The following TERT variants were observed in gnomAD, a reference collection of about 807,000 sequenced individuals.
The protein encoded by TERT is telomerase catalytic subunit.
A neutral mutation model predicts 104.0 loss-of-function variants in TERT; 42 were observed. The ratio of observed to expected loss-of-function variants is 0.40; its 90% confidence interval spans 0.32 to 0.52. TERT has a LOEUF of 0.52. Among genes scored for constraint, TERT ranks in the 20% least tolerant of loss-of-function variants. The pLI is 0.43. For missense variants in TERT, 1,101 were observed against 1,610.3 expected, an observed-to-expected ratio of 0.68 and a Z score of 5.41; for synonymous variants, 781 against 725.6, an observed-to-expected ratio of 1.08 and a Z score of -1.23.
chr5:1,254,595 C>T (rs373439202), intron 14 of TERT, 90 bp from the exon 15 acceptor site: 31 of 1,470,896 alleles, frequency 2.1e-5, no homozygotes, highest in African/African-American at 1.4e-4. Context: ...CGACGGTCTG[C>T]GGGGTGGCTC....
At chr5:1,264,366 GC>G in intron 11 of TERT, 37 bp downstream of exon 11, 1 of 1,583,482 alleles carries the variant, frequency 6.3e-7, no homozygotes, top group South Asian at 1.1e-5. Context: ...ACCTGCCCCA[GC>G]CGGGCACAGG....
rs981273434 is a variant in TERT, at chr5:1,286,818, C to T, written c.1574-4194G>A. ...GCTTGAACCGAGGAGGCAGAGGTTG[C>T]AGTGAGCCGAGATTGTGCCATTACA... On this transcript the variant is annotated intron_variant, in intron 2 of 15. Coordinates refer to ENST00000310581, the MANE Select transcript of TERT (RefSeq NM_198253.3). This position sits in a 1 kb window ranked among gnomAD's most constrained non-coding sequence, Gnocchi z 5.3. Among the ~76,000 whole-genome samples the T allele has an allele frequency of 1.3e-5, 2 of 152,144 alleles. No individual in the cohort carries two copies. The highest frequency in any genetic ancestry group is 4.8e-5 in the African/African-American group (2 of 41,428).
At chr5:1,279,890 G>A (rs917044084) in intron 4 of TERT, among the ~76,000 whole-genome samples, 76 of 152,302 alleles carry the variant, frequency 5.0e-4, no homozygotes, top group Admixed American at 1.4e-3. Flanking sequence ...ACCTCGGGCC[G>A]TGCTGCATCC....
intron 2 of TERT, chr5:1,282,858 C>A (rs1347727726): frequency 7.4e-6 from 4 of 542,564 alleles, no homozygotes; most frequent in East Asian, 3.4e-5. Flanking sequence ...GAGGGCCTGG[C>A]GAACTCACCC....
At position 1,260,587 on chromosome 5, in the gene TERT, A is replaced by T; in HGVS notation, c.2857T>A (p.Ser953Thr). 6.2e-7 allele frequency: 1 copy of T among 1,614,028 alleles called. No individual in the cohort carries two copies. The highest frequency in any genetic ancestry group is 8.5e-7 in the Non-Finnish European group (1 of 1,179,966). ...TTGAAGGTGAGACTGGCTCTGATGG[A>T]GGTCCGGGCATAGCTGAGACACAGG... is the stretch of plus-strand genomic sequence containing the variant. ...QSDYSSYART[S>T]IRASLTFNRG... The change falls in exon 12 of 16, where the codon TCC becomes ACC. Residue 953 changes from serine (S) to threonine (T), a missense_variant. By Grantham distance (58) the Ser-to-Thr change is moderately conservative. Coordinates refer to ENST00000310581, the MANE Select transcript of TERT (RefSeq NM_198253.3).
chr5:1,276,720 TGCAAGCTGACACAGTAA>T (rs1450461061), intron 6 of TERT, among the ~76,000 whole-genome samples: 1 of 151,162 alleles, frequency 6.6e-6, no homozygotes, highest in Non-Finnish European at 1.5e-5. Context: ...CACCCAGGTT[TGCAAGCTGACACAGTAA>T]AGACTGTTCT....
intron 6 of TERT, among the ~76,000 whole-genome samples, chr5:1,273,067 C>A (rs1224469905): frequency 3.1e-5 from 3 of 96,530 alleles, no homozygotes. Context: ...TGTGACCGAT[C>A]ACCATCCACA....
Position 1,257,243 on chromosome 5 carries a change from C to T in TERT, c.3032+1355G>A, listed in dbSNP as rs1435371972. On this transcript the variant is annotated intron_variant, in intron 13 of 15. Coordinates refer to ENST00000310581, the MANE Select transcript of TERT (RefSeq NM_198253.3). The surrounding 1 kb of genome is among the most constrained non-coding windows in gnomAD (Gnocchi z 5.6). ...AGAGACCCTGGTGGGGAAATGAGGA[C>T]AAGACTGAGCTGAATATGGGAGGAG... Among the ~76,000 whole-genome samples, 2 of 152,112 alleles carry T rather than the reference C, an allele frequency of 1.3e-5. No homozygotes were observed. Among genetic ancestry groups the T allele is most frequent in the Non-Finnish European group, 2.9e-5 (2 of 68,004 alleles).
chr5:1,268,636 G>A lies in TERT; in HGVS notation c.2469-3C>T, dbSNP rs1748798959. 1 of 1,608,706 alleles carries A rather than the reference G, an allele frequency of 6.2e-7. No individual in the cohort carries two copies. Among genetic ancestry groups the A allele is most frequent in the Admixed American group, 1.7e-5 (1 of 59,966 alleles). On this transcript the variant is annotated splice_polypyrimidine_tract_variant and splice_region_variant and intron_variant, in intron 8 of 15. Transcript: ENST00000310581. This position sits in a 1 kb window ranked among gnomAD's most constrained non-coding sequence, Gnocchi z 5.5. The stretch of plus-strand genomic sequence containing the variant: ...TCCCCTGGCACTGGACGTAGGACCT[G>A]GGGCGGGAAGACACAGGTGAGAGAC...
chr5:1,261,141 C>A lies in TERT; in HGVS notation c.2844-541G>T, dbSNP rs1486687088. 6.6e-6 allele frequency among the ~76,000 whole-genome samples: 1 copy of A among 152,218 alleles called. No homozygotes were observed. Among genetic ancestry groups the A allele is most frequent in the Non-Finnish European group, 1.5e-5 (1 of 68,042 alleles). On this transcript the variant is annotated intron_variant, in intron 11 of 15. Coordinates refer to ENST00000310581, the MANE Select transcript of TERT (RefSeq NM_198253.3). The surrounding 1 kb of genome is among the most constrained non-coding windows in gnomAD (Gnocchi z 7.4). ...GGCATCCCACCGATGTCCTCCAGGG[C>A]CTCACCACCACTCACTGCCCATGTA...
intron 6 of TERT, among the ~76,000 whole-genome samples, chr5:1,273,123 C>A: frequency 2.2e-5 from 1 of 44,766 alleles, no homozygotes; most frequent in Non-Finnish European, 4.7e-5. Context: ...AGTCACCACA[C>A]ATCAGACCCC....
Position 1,268,612 on chromosome 5 carries a change from C to G in TERT, c.2490G>C (p.Gly830=). The change falls in exon 9 of 16, where the codon GGG becomes GGC. Residue 830 remains glycine, a synonymous_variant. Transcript: ENST00000310581. This position sits in a 1 kb window ranked among gnomAD's most constrained non-coding sequence, Gnocchi z 5.5. ...IRGKSYVQCQ[G]IPQGSILSTL... is the part of the protein sequence containing the mutation. The stretch of plus-strand genomic sequence containing the variant: ...TGGAGAGGATGGAGCCCTGCGGGAT[C>G]CCCTGGCACTGGACGTAGGACCTGG... The G allele has an allele frequency of 6.2e-7, 1 of 1,612,898 alleles. No individual in the cohort carries two copies. Among genetic ancestry groups the G allele is most frequent in the Non-Finnish European group, 8.5e-7 (1 of 1,179,690 alleles).
chr5:1,274,071 C>T lies in TERT; in HGVS notation c.2287-1791G>A, dbSNP rs975942933. Among the ~76,000 whole-genome samples the T allele has an allele frequency of 1.3e-5, 2 of 152,224 alleles. No homozygotes were observed. The highest frequency in any genetic ancestry group is 4.8e-5 in the African/African-American group (2 of 41,456). ...CCCCAAGACAGGATGTGAGCAGGCACGTGACACACACTAACACGGACACAG... is the reference window on the plus strand; with the variant it reads ...CCCCAAGACAGGATGTGAGCAGGCATGTGACACACACTAACACGGACACAG... On this transcript the variant is annotated intron_variant, in intron 6 of 15. Transcript: ENST00000310581. This position sits in a 1 kb window ranked among gnomAD's most constrained non-coding sequence, Gnocchi z 5.3.
At position 1,293,868 on chromosome 5, in the gene TERT, G is replaced by A; in HGVS notation, c.1018C>T (p.Gln340Ter). 6.5e-7 allele frequency: 1 copy of A among 1,545,002 alleles called. No individual in the cohort carries two copies. The highest frequency in any genetic ancestry group is 8.7e-7 in the Non-Finnish European group (1 of 1,146,982). ...HFLYSSGDKE[Q>*]LRPSFLLSSL... is the part of the protein sequence containing the mutation. ...CTGAGTAGGAAGGAGGGCCGCAGCT[G>A]CTCCTTGTCGCCTGAGGAGTAGAGG... Residue 340 changes from glutamine (Q) to a stop codon, truncating the protein, a stop_gained, in exon 2 of 16, where the codon CAG (glutamine) becomes TAG (stop). Transcript: ENST00000310581. LOFTEE classifies it high-confidence loss of function.
chr5:1,286,998 C>T lies in TERT; in HGVS notation c.1574-4374G>A, dbSNP rs970809079. On this transcript the variant is annotated intron_variant, in intron 2 of 15. Transcript: ENST00000310581. The surrounding 1 kb of genome is among the most constrained non-coding windows in gnomAD (Gnocchi z 5.3). ...GGATCAACACACACTCGGCAGGAAA[C>T]GCACATGGCAACCCAAGAGGTGGTG... is the stretch of plus-strand genomic sequence containing the variant. 3.3e-5 allele frequency among the ~76,000 whole-genome samples: 5 copies of T among 152,262 alleles called. No homozygotes were observed. The highest frequency in any genetic ancestry group is 3.4e-3 in the Middle Eastern group (1 of 294).
In TERT at chr5:1,262,788, C is replaced by T. The variant is rs1429906465; in HGVS notation, c.2843+1616G>A. Among the ~76,000 whole-genome samples the T allele has an allele frequency of 1.3e-5, 2 of 152,232 alleles. No homozygotes were observed. Among genetic ancestry groups the T allele is most frequent in the African/African-American group, 4.8e-5 (2 of 41,448 alleles). ...ACATTCACTGATGCTGTGCCAGAGG[C>T]TGGAACCAGGGGTGCCTGTCCTAAA... On this transcript the variant is annotated intron_variant, in intron 11 of 15. Transcript: ENST00000310581. This position sits in a 1 kb window ranked among gnomAD's most constrained non-coding sequence, Gnocchi z 5.6.
rs2736111 is a variant in TERT, at chr5:1,265,820, G to A, written c.2654+644C>T. On this transcript the variant is annotated intron_variant, in intron 10 of 15. Coordinates refer to ENST00000310581, the MANE Select transcript of TERT (RefSeq NM_198253.3). This position sits in a 1 kb window ranked among gnomAD's most constrained non-coding sequence, Gnocchi z 6.9. ...AATCGCACTTTAAAACAAGCCCACC[G>A]GCTCTGTGGGGCGCCCTTGAGGGGG... 0.23 allele frequency among the ~76,000 whole-genome samples: 35,525 copies of A among 152,034 alleles called. 4,312 individuals are homozygous for A. The highest frequency in any genetic ancestry group is 0.26 in the Non-Finnish European group (17,982 of 67,936).
rs531959219 is a variant in TERT, at chr5:1,274,855, G to A, written c.2287-2575C>T. 1.1e-4 allele frequency among the ~76,000 whole-genome samples: 17 copies of A among 152,138 alleles called. 1 individual carries two copies. Among genetic ancestry groups the A allele is most frequent in the East Asian group, 5.8e-4 (3 of 5,198 alleles). On this transcript the variant is annotated intron_variant, in intron 6 of 15. Transcript: ENST00000310581. This position sits in a 1 kb window ranked among gnomAD's most constrained non-coding sequence, Gnocchi z 5.3. ...ATCGAAACTTTTCCTTCAAGGAGCC[G>A]GAAAAACAACAATAAACAAAGCCTA... is the stretch of plus-strand genomic sequence containing the variant.
Position 1,286,850 on chromosome 5 carries a change from C to G in TERT, c.1574-4226G>C, listed in dbSNP as rs1685830034. 6.6e-6 allele frequency among the ~76,000 whole-genome samples: 1 copy of G among 152,172 alleles called. No individual in the cohort carries two copies. The highest frequency in any genetic ancestry group is 1.5e-5 in the Non-Finnish European group (1 of 68,030). ...CCGAGATTGTGCCATTACACTCCAG[C>G]CTGGGTGACAGAGTGAGACTGTCTC... On this transcript the variant is annotated intron_variant, in intron 2 of 15. Transcript: ENST00000310581. This position sits in a 1 kb window ranked among gnomAD's most constrained non-coding sequence, Gnocchi z 5.3.
Sources: allele counts gnomAD v4.1 joint callset (sites outside exome capture counted in the v4.1 genomes callset), GRCh38; gene constraint gnomAD v4.1.1; non-coding constraint Gnocchi (gnomAD v3.1); transcripts MANE v1.5; gene names NCBI Gene and HGNC (gene_info 2026-07-23, HGNC 2026-07-21).